SEMA3D: variants seen among roughly 807,000 people sequenced by gnomAD.
The protein encoded by SEMA3D is semaphorin-3D.
SEMA3D carries 84 observed loss-of-function variants against 100.1 expected under a neutral mutation model. That is an observed-to-expected ratio of 0.84 (90% confidence interval 0.70 to 1.01). The LOEUF (loss-of-function observed/expected upper bound fraction) is 1.01. Ranked by LOEUF, SEMA3D falls within the 50% of genes least tolerant of loss-of-function variation. The pLI is 0.00. For synonymous variants in SEMA3D, 312 were observed against 320.7 expected (o/e 0.97, Z 0.29); for missense variants, 875 against 934.1 (o/e 0.94, Z 0.82).
intron 12 of SEMA3D, among the ~76,000 whole-genome samples, chr7:85,034,634 CA>C (rs1012169076): frequency 4.0e-5 from 6 of 151,818 alleles, no homozygotes; most frequent in African/African-American, 1.2e-4. Context: ...CAAAACAAAA[CA>C]AAATTAAAAA....
chr7:85,145,327 C>T (rs1583965142), intron 2 of SEMA3D, among the ~76,000 whole-genome samples: 2 of 151,844 alleles, frequency 1.3e-5, no homozygotes, highest in Non-Finnish European at 2.9e-5. Context: ...ATCAAAAAGC[C>T]TTTAATGTTT....
intron 2 of SEMA3D, chr7:85,142,352 T>C: frequency 1.1e-6 from 1 of 933,806 alleles, no homozygotes; most frequent in Non-Finnish European, 1.3e-6. Context: ...ATTTTATTGC[T>C]TTAAAATCAA....
At chr7:85,194,304 A>G in the SEMA3D span, among the ~76,000 whole-genome samples, 2 of 152,038 alleles carry the variant, frequency 1.3e-5, no homozygotes, top group Non-Finnish European at 2.9e-5. Flanking sequence ...AAAGCTTTGA[A>G]TTTCTCACCA....
intron 1 of SEMA3D, among the ~76,000 whole-genome samples, chr7:85,166,570 A>T (rs960518103): frequency 5.3e-5 from 8 of 152,034 alleles, no homozygotes; most frequent in African/African-American, 1.9e-4. Context: ...ACAGTAATTT[A>T]TTAAATACTC....
At chr7:85,214,621 C>T in the SEMA3D span, among the ~76,000 whole-genome samples, 5 of 151,898 alleles carry the variant, frequency 3.3e-5, no homozygotes, top group South Asian at 2.1e-4. Flanking sequence ...CTCAGCCTCC[C>T]GAGTAGCTGG....
chr7:85,044,063 T>C (rs563116935), intron 9 of SEMA3D, among the ~76,000 whole-genome samples: 1 of 152,100 alleles, frequency 6.6e-6, no homozygotes, highest in African/African-American at 2.4e-5. Flanking sequence ...AATTTATTTA[T>C]ATTTAAGTAT....
Position 85,136,161 on chromosome 7 carries a change from G to C in SEMA3D, c.-40-14230C>G, listed in dbSNP as rs531841142. Among the ~76,000 whole-genome samples the C allele has an allele frequency of 5.3e-5, 8 of 152,220 alleles. No homozygotes were observed. The South Asian group carries it at 1.4e-3, about 28-fold the overall frequency. On this transcript the variant is annotated intron_variant, in intron 2 of 18. Transcript: ENST00000284136. ...AGAGTTCAATTGTAATAGTGCATGC[G>C]TGTGTCCTTTGGAATGCCAATGAAG...
intron 3 of SEMA3D, among the ~76,000 whole-genome samples, chr7:85,106,527 A>G (rs1788929373): frequency 6.6e-6 from 1 of 152,138 alleles, no homozygotes; most frequent in Non-Finnish European, 1.5e-5. Context: ...ATATTGTTTT[A>G]TAAAATTAAT....
At chr7:85,207,540 A>T in the SEMA3D span, among the ~76,000 whole-genome samples, 2 of 152,094 alleles carry the variant, frequency 1.3e-5, no homozygotes, top group Non-Finnish European at 2.9e-5. Context: ...CATTTCAGGA[A>T]ATGTGTGGAA....
the SEMA3D span, among the ~76,000 whole-genome samples, chr7:85,221,361 T>C: frequency 6.6e-6 from 1 of 152,108 alleles, no homozygotes; most frequent in South Asian, 2.1e-4. Context: ...AAGACTTCAA[T>C]ATATCCTCAC....
At chr7:85,078,945 A>G (rs1299576864) in intron 5 of SEMA3D, among the ~76,000 whole-genome samples, 1 of 152,210 alleles carries the variant, frequency 6.6e-6, no homozygotes, top group Admixed American at 6.5e-5. Flanking sequence ...AATCTATGTA[A>G]TGCTGTTAAA....
the SEMA3D span, among the ~76,000 whole-genome samples, chr7:85,248,901 G>T: frequency 6.6e-6 from 1 of 152,046 alleles, no homozygotes; most frequent in African/African-American, 2.4e-5. Flanking sequence ...TACAATTGTG[G>T]ATATAAGACA....
chr7:85,143,145 A>G, intron 2 of SEMA3D: 1 of 982,252 alleles, frequency 1.0e-6, no homozygotes, highest in African/African-American at 1.7e-5. Context: ...ACAATTAGGT[A>G]TGAAACTGAT....
intron 3 of SEMA3D, among the ~76,000 whole-genome samples, chr7:85,100,789 T>C (rs1305290591): frequency 6.6e-6 from 1 of 151,944 alleles, no homozygotes; most frequent in Non-Finnish European, 1.5e-5. Flanking sequence ...GTTATTTCTC[T>C]TAGTTTCTAA....
At chr7:85,105,926 T>G (rs1287394192) in intron 3 of SEMA3D, among the ~76,000 whole-genome samples, 1 of 152,038 alleles carries the variant, frequency 6.6e-6, no homozygotes, top group East Asian at 1.9e-4. Flanking sequence ...ATCACATCCA[T>G]ACTTTTAAAT....
At chr7:85,056,036 A>G (rs1791309713) in intron 8 of SEMA3D, among the ~76,000 whole-genome samples, 177 bp from the exon 9 acceptor site, 1 of 152,072 alleles carries the variant, frequency 6.6e-6, no homozygotes, top group Non-Finnish European at 1.5e-5. Flanking sequence ...AGAAATATGT[A>G]TCAGCATAAA....
intron 16 of SEMA3D, among the ~76,000 whole-genome samples, chr7:85,013,616 C>A (rs1790018835): frequency 6.6e-6 from 1 of 151,618 alleles, no homozygotes; most frequent in African/African-American, 2.4e-5. Flanking sequence ...AGAAAAGTAC[C>A]AGTAAATGTT....
chr7:85,161,179 T>C (rs1181839496), intron 1 of SEMA3D, among the ~76,000 whole-genome samples: 1 of 152,184 alleles, frequency 6.6e-6, no homozygotes, highest in Non-Finnish European at 1.5e-5. Flanking sequence ...TTATCTTCCA[T>C]GTTTTGTTGT....
intron 2 of SEMA3D, among the ~76,000 whole-genome samples, chr7:85,133,485 T>C (rs1258128804): frequency 1.3e-5 from 2 of 152,022 alleles, no homozygotes; most frequent in African/African-American, 4.8e-5. Context: ...TAGCACGATG[T>C]TCTAAAACTA....
Sources: gnomAD v4.1 joint callset for allele counts (sites outside exome capture counted in the v4.1 genomes callset) on GRCh38, gnomAD v4.1.1 for gene constraint, MANE v1.5 for transcripts, NCBI Gene and HGNC (gene_info 2026-07-23, HGNC 2026-07-21) for gene names.